SHROOM2: variants seen among roughly 807,000 people sequenced by gnomAD.
The protein encoded by SHROOM2 is shroom family member 2, also known as protein Shroom2.
Under a neutral mutation model 75.9 loss-of-function variants are expected in SHROOM2, and 33 were observed. That is an observed-to-expected ratio of 0.43 (90% CI 0.33 to 0.58). The LOEUF (loss-of-function observed/expected upper bound fraction) is 0.58, where lower values mean the gene tolerates loss of function less well. Among genes scored for constraint, SHROOM2 ranks in the 20% least tolerant of loss-of-function variants. The probability of loss-of-function intolerance (pLI) is 0.04; values close to 1 mark genes in which losing one functional copy is unlikely to be tolerated. For missense variants in SHROOM2, 1,434 were observed against 1,461.2 expected, an observed-to-expected ratio of 0.98 and a Z score of 0.30; for synonymous variants, 655 against 663.6, an observed-to-expected ratio of 0.99 and a Z score of 0.20.
chrX:9,815,598 A>ATATCTATATCTG (rs1212557783), intron 1 of SHROOM2, among the ~76,000 whole-genome samples: 3 of 107,627 alleles, frequency 2.8e-5, no homozygotes, highest in Non-Finnish European at 5.7e-5. Context: ...ATCTATATCT[A>ATATCTATATCTG]TATCTATAAA....
chrX:9,807,440 G>A lies in SHROOM2; in HGVS notation c.165+20730G>A, dbSNP rs181776075. Among the ~76,000 whole-genome samples, 75 of 111,948 alleles carry A rather than the reference G, an allele frequency of 6.7e-4. 1 individual carries two copies. The East Asian group carries it at 0.02, about 30-fold the overall frequency. ...GGCTGAGGGGACCTGTTGGGAGGCC[G>A]GCAGCCCTGGGAGACAGGAACAGGC... is the stretch of plus-strand genomic sequence containing the variant. On this transcript the variant is annotated intron_variant, in intron 1 of 9. Coordinates refer to ENST00000380913, the MANE Select transcript of SHROOM2 (RefSeq NM_001649.4).
chrX:9,889,371 A>G (rs1451762535), intron 2 of SHROOM2, among the ~76,000 whole-genome samples: 1 of 112,159 alleles, frequency 8.9e-6, no homozygotes, highest in Non-Finnish European at 1.9e-5. Flanking sequence ...AAAACATCTG[A>G]TCTCCACAAA....
intron 5 of SHROOM2, among the ~76,000 whole-genome samples, chrX:9,913,779 C>T (rs945341619): frequency 4.5e-5 from 5 of 111,608 alleles, no homozygotes; most frequent in Non-Finnish European, 9.4e-5. Context: ...CCTACTGCCT[C>T]GTAGATGGTC....
intron 1 of SHROOM2, among the ~76,000 whole-genome samples, chrX:9,795,614 G>A (rs914894849): frequency 1.8e-5 from 2 of 111,351 alleles, no homozygotes; most frequent in Non-Finnish European, 3.8e-5. Context: ...CTCCTTGGCC[G>A]TCTGCTGGTA....
At chrX:9,804,455 C>T (rs1004553104) in intron 1 of SHROOM2, among the ~76,000 whole-genome samples, 12 of 112,402 alleles carry the variant, frequency 1.1e-4, no homozygotes, top group South Asian at 3.6e-4. Flanking sequence ...ATCACCCTTT[C>T]GCTTAGATAT....
chrX:9,846,337 C>T (rs1386416679), intron 1 of SHROOM2, among the ~76,000 whole-genome samples: 8 of 111,596 alleles, frequency 7.2e-5, no homozygotes, highest in Non-Finnish European at 1.9e-5. Context: ...CTCTGTCACC[C>T]AGGCTGGAGT....
At chrX:9,891,745 T>C (rs915958536) in intron 3 of SHROOM2, among the ~76,000 whole-genome samples, 1 of 110,407 alleles carries the variant, frequency 9.1e-6, no homozygotes, top group Non-Finnish European at 1.9e-5. Flanking sequence ...TGTATGTGTA[T>C]GAGTGTTCAT....
intron 1 of SHROOM2, among the ~76,000 whole-genome samples, chrX:9,808,868 AAAAT>A (rs1364714453): frequency 9.0e-6 from 1 of 110,743 alleles, no homozygotes; most frequent in African/African-American, 3.3e-5. Context: ...TCTCAAAAAA[AAAAT>A]AATAAAAATA....
intron 3 of SHROOM2, among the ~76,000 whole-genome samples, chrX:9,891,947 C>A (rs1225050444): frequency 9.1e-6 from 1 of 109,926 alleles, no homozygotes; most frequent in Non-Finnish European, 1.9e-5. Context: ...TGTAACCACT[C>A]AGTTTTTGGC....
intron 5 of SHROOM2, among the ~76,000 whole-genome samples, chrX:9,917,154 C>G (rs1170653866): frequency 8.9e-6 from 1 of 111,904 alleles, no homozygotes; most frequent in Non-Finnish European, 1.9e-5. Flanking sequence ...ACAACCCTAA[C>G]TCATCGTAGT....
At chrX:9,946,133 C>T (rs1373905975) in intron 9 of SHROOM2, among the ~76,000 whole-genome samples, 1 of 113,106 alleles carries the variant, frequency 8.8e-6, no homozygotes, top group Non-Finnish European at 1.9e-5. Flanking sequence ...GTGCACAGCA[C>T]TGCGTCTTCT....
chrX:9,934,953 A>G (rs753990871), intron 6 of SHROOM2, among the ~76,000 whole-genome samples: 11 of 110,782 alleles, frequency 9.9e-5, no homozygotes, highest in African/African-American at 3.6e-4. Flanking sequence ...TTGTATTTTT[A>G]GTAGAGACGG....
intron 5 of SHROOM2, among the ~76,000 whole-genome samples, chrX:9,904,854 G>A (rs2084383288): frequency 9.0e-6 from 1 of 111,629 alleles, no homozygotes; most frequent in Non-Finnish European, 1.9e-5. Flanking sequence ...CCAGAAGGCT[G>A]TACAGATTGA....
chrX:9,862,126 G>A (rs769078017), intron 1 of SHROOM2, among the ~76,000 whole-genome samples: 2 of 111,724 alleles, frequency 1.8e-5, no homozygotes, highest in Non-Finnish European at 3.8e-5. Context: ...TTTACATTAC[G>A]GCTCTTTGTG....
intron 1 of SHROOM2, among the ~76,000 whole-genome samples, chrX:9,810,705 T>C (rs1355725702): frequency 9.1e-6 from 1 of 110,473 alleles, no homozygotes; most frequent in Non-Finnish European, 1.9e-5. Flanking sequence ...ACCCCTTGAT[T>C]TCTGGACTCG....
intron 5 of SHROOM2, chrX:9,912,640 C>A (rs1204185551): frequency 9.0e-6 from 1 of 111,634 alleles, no homozygotes; most frequent in Non-Finnish European, 1.9e-5. Context: ...GCACTTCATC[C>A]CAGATGGGAC....
chrX:9,804,342 G>C (rs769639052), intron 1 of SHROOM2, among the ~76,000 whole-genome samples: 83 of 112,139 alleles, frequency 7.4e-4, no homozygotes, highest in African/African-American at 2.4e-3. Flanking sequence ...TGGATGCAAC[G>C]GTCTACAAGC....
Position 9,872,870 on chromosome X carries a change from A to G in SHROOM2, c.166-782A>G, listed in dbSNP as rs145439536. Among the ~76,000 whole-genome samples the G allele has an allele frequency of 3.6e-3, 410 of 112,439 alleles. 1 individual carries two copies. Among genetic ancestry groups the G allele is most frequent in the African/African-American group, 0.013 (387 of 30,940 alleles). On this transcript the variant is annotated intron_variant, in intron 1 of 9. Transcript: ENST00000380913. Reference sequence around the variant, plus strand: ...AGTTATCATAGGGCGCAGCAGTTCCACTTTATAATAGCCAAAAGTAGACAC... The same window carrying G: ...AGTTATCATAGGGCGCAGCAGTTCCGCTTTATAATAGCCAAAAGTAGACAC...
chrX:9,787,918 T>G (rs2083624180), intron 1 of SHROOM2, among the ~76,000 whole-genome samples: 1 of 111,126 alleles, frequency 9.0e-6, no homozygotes, highest in African/African-American at 3.3e-5. Flanking sequence ...TCATAAAGTG[T>G]GTATACTCTG....
Sources: allele counts gnomAD v4.1 joint callset (sites outside exome capture counted in the v4.1 genomes callset), GRCh38; gene constraint gnomAD v4.1.1; transcripts MANE v1.5; gene names NCBI Gene and HGNC (gene_info 2026-07-23, HGNC 2026-07-21).